KCNN3: variants seen among roughly 807,000 people sequenced by gnomAD.
The protein encoded by KCNN3 is potassium calcium-activated channel subfamily N member 3, also known as small conductance calcium-activated potassium channel protein 3.
A neutral mutation model predicts 62.9 loss-of-function variants in KCNN3; 16 were observed. That is an observed-to-expected ratio of 0.25 (90% CI 0.17 to 0.39). The LOEUF is 0.39. Ranked by LOEUF, KCNN3 falls within the 10% of genes least tolerant of loss-of-function variation. The pLI is 1.00. For synonymous variants in KCNN3, 370 were observed against 389.2 expected (o/e 0.95, Z 0.58); for missense variants, 599 against 949.4 (o/e 0.63, Z 4.85).
chr1:154,745,309 A>G (rs1456169428), intron 3 of KCNN3, among the ~76,000 whole-genome samples: 1 of 152,260 alleles, frequency 6.6e-6, no homozygotes, highest in Non-Finnish European at 1.5e-5. Flanking sequence ...CAATGGCTCC[A>G]ACAAACAAAT....
At chr1:154,804,359 C>G (rs1228928657) in intron 2 of KCNN3, among the ~76,000 whole-genome samples, 2 of 152,266 alleles carry the variant, frequency 1.3e-5, no homozygotes, top group Non-Finnish European at 2.9e-5. Context: ...ACAAAACGCA[C>G]TAAGAGTTTT....
At chr1:154,822,894 A>G (rs1650961583) in intron 1 of KCNN3, among the ~76,000 whole-genome samples, 1 of 152,066 alleles carries the variant, frequency 6.6e-6, no homozygotes. Flanking sequence ...GCTTAGAGAA[A>G]CCGAGAAGTG....
intron 1 of KCNN3, among the ~76,000 whole-genome samples, chr1:154,828,905 T>A (rs1651264039): frequency 6.6e-6 from 1 of 152,206 alleles, no homozygotes; most frequent in South Asian, 2.1e-4. Context: ...ACCTTTGCAA[T>A]CCGCATAGCC....
rs980679496 is a variant in KCNN3 at position 154,698,705 on chromosome 1, G to A, written c.*9271C>T. Reference sequence around the variant, plus strand: ...TAACTGTAGACAGGCAGGGCCCATGGAGCTGTGGAGAGTTCACTGGGACTC... The same window carrying A: ...TAACTGTAGACAGGCAGGGCCCATGAAGCTGTGGAGAGTTCACTGGGACTC... On this transcript the variant is annotated 3_prime_UTR_variant, in exon 8 of 8. Coordinates refer to ENST00000271915, the MANE Select transcript of KCNN3 (RefSeq NM_002249.6). 1.3e-5 allele frequency: 2 copies of A among 152,322 alleles called. No homozygotes were observed. The highest frequency in any genetic ancestry group is 1.9e-4 in the East Asian group (1 of 5,184). The allele number at this position is 152,322 out of a possible 1,614,324, so 9.4% of individuals were successfully genotyped here.
chr1:154,822,315 T>C, intron 1 of KCNN3, 131 bp from the exon 2 acceptor site: 2 of 749,176 alleles, frequency 2.7e-6, no homozygotes, highest in Admixed American at 2.0e-5. Flanking sequence ...TAGGAGCAGG[T>C]GTAGCACAAA....
At chr1:154,757,853 C>G (rs1035942012) in intron 3 of KCNN3, among the ~76,000 whole-genome samples, 4 of 152,272 alleles carry the variant, frequency 2.6e-5, no homozygotes, top group African/African-American at 9.6e-5. Flanking sequence ...CTCAAGGGAC[C>G]TTCAGTAGAA....
chr1:154,783,429 A>G (rs1649144489), intron 2 of KCNN3, among the ~76,000 whole-genome samples: 1 of 152,210 alleles, frequency 6.6e-6, no homozygotes, highest in Non-Finnish European at 1.5e-5. Context: ...TCATTTCCAC[A>G]GATACAATAT....
In KCNN3 at chr1:154,727,227, C is replaced by T. The variant is rs115320531; in HGVS notation, c.1591-1201G>A. Among the ~76,000 whole-genome samples the T allele has an allele frequency of 7.6e-3, 1,162 of 152,332 alleles. 9 individuals are homozygous for T. Among genetic ancestry groups the T allele is most frequent in the Non-Finnish European group, 0.011 (756 of 68,026 alleles). ...TGATGAACTTATTAAAGCCAACAAC[C>T]GAATCCTGTATGTCAAACAGTAATT... On this transcript the variant is annotated intron_variant, in intron 4 of 7. Transcript: ENST00000271915.
chr1:154,818,577 T>C (rs1157525611), intron 2 of KCNN3, among the ~76,000 whole-genome samples: 6 of 152,152 alleles, frequency 3.9e-5, no homozygotes, highest in African/African-American at 1.2e-4. Context: ...GAGGCCTGTA[T>C]CAAAGAGGCC....
At chr1:154,768,853 G>A (rs1428402512) in intron 3 of KCNN3, among the ~76,000 whole-genome samples, 2 of 152,164 alleles carry the variant, frequency 1.3e-5, no homozygotes, top group African/African-American at 4.8e-5. Flanking sequence ...CAGAGGCAGA[G>A]AAAACAGCAA....
chr1:154,841,853 G>A (rs952422357), intron 1 of KCNN3, among the ~76,000 whole-genome samples: 1 of 152,228 alleles, frequency 6.6e-6, no homozygotes, highest in Admixed American at 6.5e-5. Flanking sequence ...GAGGTCATGG[G>A]ATCGGCAGGT....
chr1:154,776,398 C>G (rs1648791888), intron 2 of KCNN3, among the ~76,000 whole-genome samples: 1 of 151,828 alleles, frequency 6.6e-6, no homozygotes, highest in South Asian at 2.1e-4. Context: ...CCTGGGGGCA[C>G]TCGTAAACAG....
chr1:154,701,776 G>A lies in KCNN3; in HGVS notation c.*6200C>T, dbSNP rs759955949. The stretch of plus-strand genomic sequence containing the variant: ...TTTAGAAAAGCACATCTGCACACTG[G>A]ACTCTTGTTGGGCCTTGTGTAGTTT... On this transcript the variant is annotated 3_prime_UTR_variant, in exon 8 of 8. Coordinates refer to ENST00000271915, the MANE Select transcript of KCNN3 (RefSeq NM_002249.6). The A allele has an allele frequency of 3.3e-5, 5 of 152,178 alleles. No homozygotes were observed. The highest frequency in any genetic ancestry group is 7.3e-5 in the Non-Finnish European group (5 of 68,044). 9.4% of individuals were successfully genotyped at this position (152,178 alleles called of 1,614,324 possible). A position where few individuals can be genotyped will look rare whatever the true frequency, so the allele number is the denominator to read the frequency against.
At chr1:154,739,009 A>G (rs1341312413) in intron 3 of KCNN3, among the ~76,000 whole-genome samples, 1 of 152,250 alleles carries the variant, frequency 6.6e-6, no homozygotes, top group African/African-American at 2.4e-5. Context: ...CTAAATTTTC[A>G]TCTCCCAGAG....
rs115798097 is a variant in KCNN3 at position 154,862,264 on chromosome 1, C to G, written c.933+6768G>C. On this transcript the variant is annotated intron_variant, in intron 1 of 7. Coordinates refer to ENST00000271915, the MANE Select transcript of KCNN3 (RefSeq NM_002249.6). The surrounding 1 kb of genome is among the most constrained non-coding windows in gnomAD (Gnocchi z 4.1). ...CCTGTGCAGCCGAGTTTTCTCATCC[C>G]TGAGATAGTTGGTCATCATGAGCCC... Among the ~76,000 whole-genome samples the G allele has an allele frequency of 0.013, 1,994 of 152,250 alleles. 40 individuals are homozygous for G. Among genetic ancestry groups the G allele is most frequent in the African/African-American group, 0.046 (1,911 of 41,530 alleles).
chr1:154,782,419 C>T (rs1318506172), intron 2 of KCNN3, among the ~76,000 whole-genome samples: 1 of 152,238 alleles, frequency 6.6e-6, no homozygotes, highest in Non-Finnish European at 1.5e-5. Flanking sequence ...GCTCTCTTCC[C>T]GGCTTGCAGG....
intron 2 of KCNN3, among the ~76,000 whole-genome samples, chr1:154,779,073 C>A (rs1235828403): frequency 1.3e-5 from 2 of 152,116 alleles, no homozygotes; most frequent in African/African-American, 4.8e-5. Context: ...GCAGCCAGTA[C>A]CAGCTGCCAG....
chr1:154,761,898 C>T (rs1422384170), intron 3 of KCNN3, among the ~76,000 whole-genome samples: 1 of 152,126 alleles, frequency 6.6e-6, no homozygotes, highest in Non-Finnish European at 1.5e-5. Context: ...CGAGATGGCG[C>T]CACTGCACTC....
chr1:154,855,787 T>C (rs1652498180), intron 1 of KCNN3, among the ~76,000 whole-genome samples: 1 of 152,232 alleles, frequency 6.6e-6, no homozygotes, highest in South Asian at 2.1e-4. Flanking sequence ...TGAAATTATT[T>C]TTCCGCCTGG....
Sources: allele counts gnomAD v4.1 joint callset (sites outside exome capture counted in the v4.1 genomes callset), GRCh38; gene constraint gnomAD v4.1.1; non-coding constraint Gnocchi (gnomAD v3.1); transcripts MANE v1.5; gene names NCBI Gene and HGNC (gene_info 2026-07-23, HGNC 2026-07-21).